ADAMTS19: variants seen among roughly 807,000 people sequenced by gnomAD.
The protein encoded by ADAMTS19 is ADAM metallopeptidase with thrombospondin type 1 motif 19.
In ADAMTS19, 93 loss-of-function variants were observed where a neutral mutation model predicts 153.3. That is an observed-to-expected ratio of 0.61 (90% CI 0.51 to 0.72). The LOEUF (loss-of-function observed/expected upper bound fraction) is 0.72, where lower values mean the gene tolerates loss of function less well. Ranked by LOEUF, ADAMTS19 falls within the 30% of genes least tolerant of loss-of-function variation. The pLI, the probability that ADAMTS19 is intolerant of heterozygous loss-of-function variation, is 0.00. For missense variants in ADAMTS19, 1,482 were observed against 1,552.1 expected (o/e 0.95, Z 0.76); for synonymous variants, 600 against 556.6 (o/e 1.08, Z -1.10).
chr5:129,471,062 T>A (rs543781061), intron 2 of ADAMTS19, among the ~76,000 whole-genome samples: 1 of 55,986 alleles, frequency 1.8e-5, no homozygotes, highest in Non-Finnish European at 3.2e-5. Context: ...GATATCAGGA[T>A]CAAAATCAGG....
At chr5:129,660,381 GT>G (rs1215324217) in intron 15 of ADAMTS19, among the ~76,000 whole-genome samples, 45 of 151,754 alleles carry the variant, frequency 3.0e-4, no homozygotes. Context: ...GATGGCAGAA[GT>G]TTTTTTTATA....
At position 129,461,150 on chromosome 5, in the gene ADAMTS19, C is replaced by G. The variant is rs1469702137; in HGVS notation, c.140C>G (p.Ala47Gly). 8 of 1,409,054 alleles carry G rather than the reference C, an allele frequency of 5.7e-6. No homozygotes were observed. In the East Asian group the frequency reaches 2.4e-4, roughly 43 times the overall value. The allele number at this position is 1,409,054 out of a possible 1,614,324, so 87.3% of individuals were successfully genotyped here. Residue 47 changes from alanine to glycine, a missense_variant, in exon 2 of 23, where the codon GCG (alanine) becomes GGG (glycine). Ala to Gly is a moderately conservative substitution (Grantham distance 60, BLOSUM62 0). Coordinates refer to ENST00000274487, the MANE Select transcript of ADAMTS19 (RefSeq NM_133638.6). The surrounding 1 kb of genome is among the most constrained non-coding windows in gnomAD (Gnocchi z 4.6). ...GAGGAGTGGGAAGTCGTGTTTCCTG[C>G]GCTCTGGCGCCGGGAGCCGGTGGAC... is the stretch of plus-strand genomic sequence containing the variant. ...DREEWEVVFPALWRREPVDPA... is the reference protein window; with the variant it reads ...DREEWEVVFPGLWRREPVDPA...
chr5:129,467,137 G>A (rs1749892465), intron 2 of ADAMTS19, among the ~76,000 whole-genome samples: 1 of 152,076 alleles, frequency 6.6e-6, no homozygotes, highest in Non-Finnish European at 1.5e-5. Flanking sequence ...AGACAAATAT[G>A]GCTGACTCTT....
At chr5:129,543,402 T>C (rs374957054) in intron 6 of ADAMTS19, among the ~76,000 whole-genome samples, 28 of 152,170 alleles carry the variant, frequency 1.8e-4, no homozygotes, top group African/African-American at 6.5e-4. Context: ...ATAGCATATT[T>C]GAGAAAAACA....
At chr5:129,725,266 A>G (rs1233447734) in intron 21 of ADAMTS19, among the ~76,000 whole-genome samples, 1 of 152,042 alleles carries the variant, frequency 6.6e-6, no homozygotes, top group Non-Finnish European at 1.5e-5. Context: ...GTGCAGTTTG[A>G]CCTTTTGACT....
intron 8 of ADAMTS19, among the ~76,000 whole-genome samples, chr5:129,609,777 G>A (rs1284859695): frequency 6.6e-6 from 1 of 152,150 alleles, no homozygotes; most frequent in Non-Finnish European, 1.5e-5. Context: ...CCCAGCAAAT[G>A]AATGACCTTG....
intron 13 of ADAMTS19, among the ~76,000 whole-genome samples, chr5:129,652,325 C>T (rs1753351561): frequency 6.6e-6 from 1 of 152,162 alleles, no homozygotes. Flanking sequence ...CCTTAAAATA[C>T]AAGTGGCTGT....
intron 15 of ADAMTS19, among the ~76,000 whole-genome samples, chr5:129,665,083 A>G (rs1294442497): frequency 6.6e-6 from 1 of 151,908 alleles, no homozygotes; most frequent in Non-Finnish European, 1.5e-5. Context: ...GGCCTGCTAT[A>G]TTTTCTCCGG....
Position 129,460,369 on chromosome 5 carries a change from A to AGCCGCG in ADAMTS19, c.-15_-10dup. 3 of 1,604,022 alleles carry AGCCGCG rather than the reference A, an allele frequency of 1.9e-6. No homozygotes were observed. The highest frequency in any genetic ancestry group is 1.1e-5 in the South Asian group (1 of 90,918). On this transcript the variant is annotated 5_prime_UTR_variant, in exon 1 of 23. Coordinates refer to ENST00000274487, the MANE Select transcript of ADAMTS19 (RefSeq NM_133638.6). Reference sequence around the variant, plus strand: ...CGCTGGAGGCGTGCGCCGGGCGAGAAGCCGCGGCCGCGGGAGCGCAGTATG... The same window carrying AGCCGCG: ...CGCTGGAGGCGTGCGCCGGGCGAGAAGCCGCGGCCGCGGCCGCGGGAGCGCAGTATG...
At chr5:129,573,595 T>C (rs1250437258) in intron 7 of ADAMTS19, among the ~76,000 whole-genome samples, 1 of 152,066 alleles carries the variant, frequency 6.6e-6, no homozygotes, top group East Asian at 1.9e-4. Context: ...AAGAAAATAT[T>C]TCCTATGGTT....
At chr5:129,523,638 G>C (rs1260658549) in intron 3 of ADAMTS19, among the ~76,000 whole-genome samples, 1 of 152,106 alleles carries the variant, frequency 6.6e-6, no homozygotes, top group Non-Finnish European at 1.5e-5. Context: ...AGCACCATGT[G>C]CATACAGGAA....
In ADAMTS19 at chr5:129,647,789, A is replaced by T; in HGVS notation, c.1897A>T (p.Ser633Cys). Residue 633 changes from serine to cysteine, a missense_variant, in exon 12 of 23, where the codon AGC (serine) becomes TGC (cysteine). Transcript: ENST00000274487. ...GTGGTGTAAGGCTGGAGAATGTACC[A>T]GCAGGACCTCAGCACCTGAACATCT... ...GKWCKAGECT[S>C]RTSAPEHLAG... The T allele has an allele frequency of 1.2e-6, 2 of 1,614,122 alleles. No individual in the cohort carries two copies. The highest frequency in any genetic ancestry group is 1.7e-6 in the Non-Finnish European group (2 of 1,179,978).
At chr5:129,681,565 A>G (rs1327882265) in intron 17 of ADAMTS19, among the ~76,000 whole-genome samples, 2 of 152,168 alleles carry the variant, frequency 1.3e-5, no homozygotes, top group Non-Finnish European at 2.9e-5. Flanking sequence ...AAAGAATTAA[A>G]TATGAGAAAA....
chr5:129,541,111 GA>G (rs1752639588), intron 6 of ADAMTS19, among the ~76,000 whole-genome samples: 3 of 151,780 alleles, frequency 2.0e-5, no homozygotes, highest in African/African-American at 7.3e-5. Context: ...TAATGCTGCT[GA>G]CAATTTATTT....
intron 16 of ADAMTS19, among the ~76,000 whole-genome samples, chr5:129,677,173 A>T (rs374032337): frequency 6.6e-6 from 1 of 152,240 alleles, no homozygotes; most frequent in African/African-American, 2.4e-5. Context: ...AAAATAATAG[A>T]TCTTTAAGAA....
intron 10 of ADAMTS19, among the ~76,000 whole-genome samples, chr5:129,625,880 G>A (rs1752019624): frequency 6.6e-6 from 1 of 152,072 alleles, no homozygotes; most frequent in African/African-American, 2.4e-5. Context: ...GGCTTTTGTT[G>A]CCATTGCTTT....
At chr5:129,467,788 G>A (rs971623576) in intron 2 of ADAMTS19, among the ~76,000 whole-genome samples, 2 of 152,198 alleles carry the variant, frequency 1.3e-5, no homozygotes, top group African/African-American at 4.8e-5. Context: ...AAAAAGGTAT[G>A]CAATGAAAAA....
chr5:129,527,446 C>T (rs1469163756), intron 4 of ADAMTS19, among the ~76,000 whole-genome samples: 7 of 149,706 alleles, frequency 4.7e-5, no homozygotes, highest in African/African-American at 9.8e-5. Flanking sequence ...CTCTAAAATG[C>T]GATATGTGGT....
chr5:129,579,975 A>G (rs1319825130), intron 7 of ADAMTS19, among the ~76,000 whole-genome samples: 5 of 152,180 alleles, frequency 3.3e-5, no homozygotes. Flanking sequence ...CTGTGAAGAA[A>G]GTCAATGGTA....
Sources: gnomAD v4.1 joint callset for allele counts (sites outside exome capture counted in the v4.1 genomes callset) on GRCh38, gnomAD v4.1.1 for gene constraint, Gnocchi (gnomAD v3.1) non-coding constraint, MANE v1.5 for transcripts, NCBI Gene and HGNC (gene_info 2026-07-23, HGNC 2026-07-21) for gene names.